The following FSTL4 variants were observed in gnomAD, a reference collection of about 807,000 sequenced individuals.
FSTL4 encodes follistatin like 4, also known as follistatin-related protein 4.
FSTL4 carries 28 observed loss-of-function variants against 78.2 expected under a neutral mutation model. That is an observed-to-expected ratio of 0.36 (90% CI 0.27 to 0.49). The LOEUF is 0.49. Ranked by LOEUF, FSTL4 falls within the 20% of genes least tolerant of loss-of-function variation. The pLI is 0.98. For missense variants in FSTL4, 922 were observed against 1,084.9 expected (o/e 0.85, Z 2.11); for synonymous variants, 422 against 440.5 (o/e 0.96, Z 0.53).
At chr5:133,340,724 G>A (rs904126575) in intron 4 of FSTL4, among the ~76,000 whole-genome samples, 1 of 152,092 alleles carries the variant, frequency 6.6e-6, no homozygotes, top group Admixed American at 6.5e-5. Flanking sequence ...GAACTTAAAG[G>A]CCTATCGTAC....
At chr5:133,609,091 T>C (rs1388980303) in intron 1 of FSTL4, among the ~76,000 whole-genome samples, 1 of 152,206 alleles carries the variant, frequency 6.6e-6, no homozygotes, top group African/African-American at 2.4e-5. Context: ...CTTGGTAACT[T>C]TACCAGACTA....
At chr5:133,718,315 G>A in the FSTL4 span, among the ~76,000 whole-genome samples, 3 of 152,102 alleles carry the variant, frequency 2.0e-5, no homozygotes, top group Non-Finnish European at 2.9e-5. Context: ...TCCTGATCTC[G>A]TGATCCGCCT....
At chr5:133,511,768 C>T (rs1048174197) in intron 3 of FSTL4, among the ~76,000 whole-genome samples, 5 of 152,048 alleles carry the variant, frequency 3.3e-5, no homozygotes, top group African/African-American at 1.2e-4. Context: ...AGGCAGAAGC[C>T]AGGAGTATTC....
chr5:133,565,500 A>T (rs1760006681), intron 3 of FSTL4, among the ~76,000 whole-genome samples: 1 of 152,266 alleles, frequency 6.6e-6, no homozygotes, highest in Non-Finnish European at 1.5e-5. Context: ...ATCAGTGCAC[A>T]ATAGGAAGAA....
At chr5:133,646,698 G>A in the FSTL4 span, among the ~76,000 whole-genome samples, 1 of 152,034 alleles carries the variant, frequency 6.6e-6, no homozygotes, top group South Asian at 2.1e-4. Flanking sequence ...GATGGATATG[G>A]GATATGAGAG....
the FSTL4 span, among the ~76,000 whole-genome samples, chr5:133,730,713 C>A: frequency 6.6e-6 from 1 of 152,216 alleles, no homozygotes; most frequent in Non-Finnish European, 1.5e-5. Flanking sequence ...GAGAGGCATG[C>A]AAAGTTAACT....
intron 3 of FSTL4, among the ~76,000 whole-genome samples, chr5:133,547,995 T>G (rs542220583): frequency 6.6e-6 from 1 of 151,860 alleles, no homozygotes; most frequent in African/African-American, 2.4e-5. Flanking sequence ...CTCAGAAGAG[T>G]TTCCTGGTTG....
chr5:133,522,269 T>C (rs1758996474), intron 3 of FSTL4, among the ~76,000 whole-genome samples: 1 of 152,194 alleles, frequency 6.6e-6, no homozygotes, highest in Non-Finnish European at 1.5e-5. Context: ...ATTGCTTCTT[T>C]GCCCCCTCCA....
intron 8 of FSTL4, among the ~76,000 whole-genome samples, chr5:133,230,651 A>T (rs746824739): frequency 5.3e-5 from 8 of 152,106 alleles, no homozygotes; most frequent in Non-Finnish European, 1.2e-4. Flanking sequence ...GGGGCCTCAG[A>T]TCTGCCTGCT....
chr5:133,600,405 C>T (rs1317522045), intron 2 of FSTL4, among the ~76,000 whole-genome samples: 1 of 136,660 alleles, frequency 7.3e-6, no homozygotes, highest in Admixed American at 7.2e-5. Flanking sequence ...AGTCAAAATG[C>T]ATCTGTGTAG....
intron 3 of FSTL4, among the ~76,000 whole-genome samples, chr5:133,549,909 T>C (rs535694440): frequency 6.6e-6 from 1 of 152,310 alleles, no homozygotes; most frequent in East Asian, 1.9e-4. Context: ...TGTTTATTTT[T>C]ATTTCATCCT....
At chr5:133,842,008 T>C in the FSTL4 span, among the ~76,000 whole-genome samples, 1 of 152,234 alleles carries the variant, frequency 6.6e-6, no homozygotes, top group African/African-American at 2.4e-5. Context: ...TTCTGGATTC[T>C]GTGCCTTTCT....
chr5:133,767,189 CAG>C, the FSTL4 span, among the ~76,000 whole-genome samples: 1 of 152,174 alleles, frequency 6.6e-6, no homozygotes, highest in Non-Finnish European at 1.5e-5. Context: ...ACATGAACCT[CAG>C]AGTTATCCCA....
chr5:133,307,892 T>A (rs1753691132), intron 6 of FSTL4, among the ~76,000 whole-genome samples: 1 of 151,828 alleles, frequency 6.6e-6, no homozygotes, highest in East Asian at 1.9e-4. Context: ...GCCATTCTCC[T>A]GCCTCAGCCT....
At chr5:133,768,760 G>A in the FSTL4 span, among the ~76,000 whole-genome samples, 1 of 152,222 alleles carries the variant, frequency 6.6e-6, no homozygotes, top group Non-Finnish European at 1.5e-5. Context: ...TTTTCCCTCA[G>A]AGAACAGAGA....
chr5:133,545,118 C>G (rs965514045), intron 3 of FSTL4, among the ~76,000 whole-genome samples: 17 of 152,160 alleles, frequency 1.1e-4, no homozygotes, highest in African/African-American at 4.1e-4. Context: ...AGGACAGGGG[C>G]TGGTCACCAG....
At chr5:133,668,836 C>T in the FSTL4 span, among the ~76,000 whole-genome samples, 1 of 152,120 alleles carries the variant, frequency 6.6e-6, no homozygotes, top group Non-Finnish European at 1.5e-5. Context: ...AGGCATAGTG[C>T]ATTAGATGAA....
intron 6 of FSTL4, among the ~76,000 whole-genome samples, chr5:133,267,620 G>A (rs1752673694): frequency 6.6e-6 from 1 of 151,874 alleles, no homozygotes; most frequent in Admixed American, 6.5e-5. Context: ...GGGACTTGGT[G>A]TTGCTCTCCT....
At chr5:133,828,520 G>A in the FSTL4 span, among the ~76,000 whole-genome samples, 8 of 152,248 alleles carry the variant, frequency 5.3e-5, no homozygotes, top group African/African-American at 1.4e-4. Flanking sequence ...CGCTACATCC[G>A]TTCTGTAGGA....
Sources: allele counts gnomAD v4.1 joint callset (sites outside exome capture counted in the v4.1 genomes callset), GRCh38; gene constraint gnomAD v4.1.1; transcripts MANE v1.5; gene names NCBI Gene and HGNC (gene_info 2026-07-23, HGNC 2026-07-21).